Variants in CD4 observed in about 807,000 individuals in gnomAD.
CD4 encodes CD4 molecule, also known as T-cell surface glycoprotein CD4.
Under a neutral mutation model 50.5 loss-of-function variants are expected in CD4, and 25 were observed. The ratio of observed to expected loss-of-function variants is 0.49; its 90% CI spans 0.36 to 0.69. The LOEUF (loss-of-function observed/expected upper bound fraction) is 0.69, where lower values mean the gene tolerates loss of function less well. Among genes scored for constraint, CD4 ranks in the 30% least tolerant of loss-of-function variants. The pLI, the probability that CD4 is intolerant of heterozygous loss-of-function variation, is 0.00. For synonymous variants in CD4, 207 were observed against 221.9 expected (o/e 0.93, Z 0.60); for missense variants, 456 against 548.5 (o/e 0.83, Z 1.68).
chr12:6,803,389 T>C (rs892721515), intron 3 of CD4, among the ~76,000 whole-genome samples: 2 of 151,932 alleles, frequency 1.3e-5, no homozygotes, highest in Non-Finnish European at 2.9e-5. Context: ...CCTCAAGTGA[T>C]CTACCCACCT....
In CD4 at chr12:6,809,449, T is replaced by C. The variant is rs76890701; in HGVS notation, c.215-4693T>C. Among the ~76,000 whole-genome samples, 612 of 152,098 alleles carry C rather than the reference T, an allele frequency of 4.0e-3. 4 individuals carry two copies. The highest frequency in any genetic ancestry group is 0.014 in the African/African-American group (582 of 41,470). ...AGGTAGATGTTGCAGTGAGCCGTGATTGCGCCACTGCACCCCAGCCTAGGT... is the reference window on the plus strand; with the variant it reads ...AGGTAGATGTTGCAGTGAGCCGTGACTGCGCCACTGCACCCCAGCCTAGGT... On this transcript the variant is annotated intron_variant, in intron 3 of 9. Transcript: ENST00000011653.
At chr12:6,805,857 G>T (rs1287238880) in intron 3 of CD4, among the ~76,000 whole-genome samples, 5 of 151,294 alleles carry the variant, frequency 3.3e-5, no homozygotes, top group Non-Finnish European at 4.4e-5. Context: ...TGGGAAGATC[G>T]CTTGAGCCCA....
chr12:6,800,759 A>G (rs147978627), intron 3 of CD4, among the ~76,000 whole-genome samples: 74 of 152,130 alleles, frequency 4.9e-4, no homozygotes, highest in African/African-American at 1.8e-3. Flanking sequence ...TATTGTTGCT[A>G]CAGACCTATG....
chr12:6,812,082 G>A (rs781816588), intron 3 of CD4, among the ~76,000 whole-genome samples: 1 of 152,130 alleles, frequency 6.6e-6, no homozygotes, highest in South Asian at 2.1e-4. Context: ...CACCACTTAC[G>A]GGAGTCAAAA....
chr12:6,815,734 G>C, intron 5 of CD4: 4 of 1,358,780 alleles, frequency 2.9e-6, no homozygotes, highest in Non-Finnish European at 3.9e-6. Flanking sequence ...TGTGAAGGGT[G>C]ATGAATACGC....
At chr12:6,804,067 C>T (rs782652820) in intron 3 of CD4, among the ~76,000 whole-genome samples, 9 of 151,044 alleles carry the variant, frequency 6.0e-5, no homozygotes, top group East Asian at 1.9e-4. Context: ...GCTGAGATCG[C>T]GCCACTACAC....
chr12:6,817,650 G>A (rs906803984), intron 7 of CD4, among the ~76,000 whole-genome samples: 2 of 151,792 alleles, frequency 1.3e-5, no homozygotes, highest in African/African-American at 2.4e-5. Context: ...AAATCCAGAC[G>A]CACTTACACA....
At chr12:6,803,437 C>G (rs1325562455) in intron 3 of CD4, among the ~76,000 whole-genome samples, 1 of 151,932 alleles carries the variant, frequency 6.6e-6, no homozygotes, top group African/African-American at 2.4e-5. Context: ...GTGTGAGCCA[C>G]CACGCCTGAC....
At chr12:6,815,747 C>A in intron 5 of CD4, 1 of 1,382,226 alleles carries the variant, frequency 7.2e-7, no homozygotes, top group South Asian at 1.2e-5. Context: ...GAATACGCCT[C>A]TAAGGAGTGG....
chr12:6,814,879 G>C lies in CD4; in HGVS notation c.494G>C (p.Gly165Ala), dbSNP rs201435903. 3 of 1,613,554 alleles carry C rather than the reference G, an allele frequency of 1.9e-6. No individual in the cohort carries two copies. The highest frequency in any genetic ancestry group is 2.2e-5 in the South Asian group (2 of 91,070). Residue 165 changes from glycine (G) to alanine (A), a missense_variant, in exon 5 of 10, where the codon GGG becomes GCG. Gly to Ala is a moderately conservative substitution (Grantham distance 60). Coordinates refer to ENST00000011653, the MANE Select transcript of CD4 (RefSeq NM_000616.5). ...CRSPRGKNIQ[G>A]GKTLSVSQLE... ...AGTCCAAGGGGTAAAAACATACAGG[G>C]GGGGAAGACCCTCTCCGTGTCTCAG...
chr12:6,817,096 A>T, intron 6 of CD4, 34 bp from the exon 7 acceptor site: 1 of 1,577,134 alleles, frequency 6.3e-7, no homozygotes, highest in Non-Finnish European at 8.7e-7. Context: ...ACTGAATCTC[A>T]GGCCTTTGAT....
rs201308520 is a variant in CD4 at position 6,800,297 on chromosome 12, T to C, written c.50-10T>C. 6.2e-7 allele frequency: 1 copy of C among 1,613,908 alleles called. No homozygotes were observed. Among genetic ancestry groups the C allele is most frequent in the Middle Eastern group, 1.7e-4 (1 of 6,058 alleles). ...GACATTGAGACCTGACTCCTTTCTT[T>C]TCCACTTAGCGCTCCTCCCAGCAGC... On this transcript the variant is annotated splice_polypyrimidine_tract_variant and intron_variant, in intron 2 of 9. Transcript: ENST00000011653.
At chr12:6,790,638 C>G (rs1268577083) in intron 1 of CD4, among the ~76,000 whole-genome samples, 1 of 152,170 alleles carries the variant, frequency 6.6e-6, no homozygotes, top group African/African-American at 2.4e-5. Flanking sequence ...GACTCACTGT[C>G]CCTCCTGAAG....
intron 5 of CD4, 146 bp downstream of exon 5, chr12:6,815,138 T>C: frequency 3.2e-6 from 2 of 630,082 alleles, no homozygotes; most frequent in South Asian, 4.1e-5. Flanking sequence ...AGGCCTGTCT[T>C]GAAGGACTCA....
At position 6,807,419 on chromosome 12, in the gene CD4, G is replaced by C. The variant is rs193173457; in HGVS notation, c.215-6723G>C. Among the ~76,000 whole-genome samples, 36 of 152,190 alleles carry C rather than the reference G, an allele frequency of 2.4e-4. No individual in the cohort carries two copies. The Middle Eastern group carries it at 0.01, about 43-fold the overall frequency. On this transcript the variant is annotated intron_variant, in intron 3 of 9. Transcript: ENST00000011653. ...GAATCATAGTACACACCACAACCTG[G>C]ATGAATCTCCAGGGAATTATGCTGA... is the stretch of plus-strand genomic sequence containing the variant.
intron 5 of CD4, among the ~76,000 whole-genome samples, chr12:6,815,529 C>T (rs1943062599): frequency 6.6e-6 from 1 of 152,156 alleles, no homozygotes; most frequent in Non-Finnish European, 1.5e-5. Flanking sequence ...GATTGAAATC[C>T]TGGTTCTGCC....
intron 3 of CD4, among the ~76,000 whole-genome samples, chr12:6,813,103 C>T (rs1006085535): frequency 2.0e-5 from 3 of 151,864 alleles, no homozygotes; most frequent in African/African-American, 4.8e-5. Context: ...CAGAGTCTCA[C>T]TCTGTCACCT....
In CD4 at chr12:6,816,518, T is replaced by C. The variant is rs1943088608; in HGVS notation, c.955+115T>C. The C allele has an allele frequency of 4.7e-6, 4 of 846,882 alleles. No individual in the cohort carries two copies. The highest frequency in any genetic ancestry group is 7.3e-6 in the Non-Finnish European group (4 of 551,576). The allele number at this position is 846,882 out of a possible 1,614,324, so 52.5% of individuals were successfully genotyped here. On this transcript the variant is annotated intron_variant, in intron 6 of 9. Transcript: ENST00000011653. The surrounding 1 kb of genome is among the most constrained non-coding windows in gnomAD (Gnocchi z 4.9). ...AGGGGATGCCTAGGCCCTGGTCACC[T>C]GGATGAAGTGAGGGAGGGCCCTCTG...
Position 6,795,813 on chromosome 12 carries a change from C to T in CD4, c.-67-4259C>T, listed in dbSNP as rs112678364. The stretch of plus-strand genomic sequence containing the variant: ...CAGCTTCTTTCCCCCACCCTTCCAT[C>T]TCATCTCTGAAAGGCACTTCCCACT... On this transcript the variant is annotated intron_variant, in intron 1 of 9. Transcript: ENST00000011653. 1.5e-4 allele frequency among the ~76,000 whole-genome samples: 23 copies of T among 152,318 alleles called. 1 individual carries two copies. Among genetic ancestry groups the T allele is most frequent in the African/African-American group, 5.5e-4 (23 of 41,570 alleles).
Sources: allele counts gnomAD v4.1 joint callset (sites outside exome capture counted in the v4.1 genomes callset), GRCh38; gene constraint gnomAD v4.1.1; non-coding constraint Gnocchi (gnomAD v3.1); transcripts MANE v1.5; gene names NCBI Gene and HGNC (gene_info 2026-07-23, HGNC 2026-07-21).